FSTL5: variants seen among roughly 807,000 people sequenced by gnomAD.
The protein encoded by FSTL5 is follistatin like 5.
Under a neutral mutation model 89.1 loss-of-function variants are expected in FSTL5, and 62 were observed. The ratio of observed to expected loss-of-function variants is 0.70; its 90% confidence interval spans 0.57 to 0.86. The LOEUF is 0.86. FSTL5 is among the 40% of genes least tolerant of loss of function. The pLI is 0.00. For synonymous variants in FSTL5, 383 were observed against 346.2 expected, an observed-to-expected ratio of 1.11 and a Z score of -1.18; for missense variants, 1,057 against 1,001.6, an observed-to-expected ratio of 1.06 and a Z score of -0.75.
intron 5 of FSTL5, among the ~76,000 whole-genome samples, chr4:161,769,491 A>G (rs1741133733): frequency 6.6e-6 from 1 of 152,032 alleles, no homozygotes; most frequent in Non-Finnish European, 1.5e-5. Context: ...ATTCATCATG[A>G]TCAAGTGGGA....
intron 6 of FSTL5, among the ~76,000 whole-genome samples, chr4:161,684,383 A>C (rs1737633750): frequency 6.6e-6 from 1 of 152,166 alleles, no homozygotes; most frequent in Non-Finnish European, 1.5e-5. Context: ...ACTAATTTAC[A>C]TTCCCACCGG....
intron 15 of FSTL5, among the ~76,000 whole-genome samples, chr4:161,418,165 G>A (rs1171128988): frequency 6.6e-6 from 1 of 152,174 alleles, no homozygotes; most frequent in Admixed American, 6.5e-5. Flanking sequence ...CTAAGTGTGA[G>A]TGTGGGTGAA....
chr4:162,065,294 C>A (rs1738857351), intron 2 of FSTL5, among the ~76,000 whole-genome samples: 1 of 151,834 alleles, frequency 6.6e-6, no homozygotes, highest in South Asian at 2.1e-4. Flanking sequence ...TATGTACAAA[C>A]CATATATCTG....
At chr4:161,452,558 A>T (rs1248625749) in intron 15 of FSTL5, among the ~76,000 whole-genome samples, 1 of 152,160 alleles carries the variant, frequency 6.6e-6, no homozygotes. Flanking sequence ...ATGTGGAATA[A>T]ATCCTCATTA....
chr4:162,087,060 T>G (rs1730350428), intron 2 of FSTL5, among the ~76,000 whole-genome samples: 1 of 152,080 alleles, frequency 6.6e-6, no homozygotes, highest in Admixed American at 6.6e-5. Context: ...CATAAAGAAA[T>G]GCAAGCTTCT....
At chr4:161,681,735 A>T (rs1332179667) in intron 6 of FSTL5, among the ~76,000 whole-genome samples, 1 of 152,130 alleles carries the variant, frequency 6.6e-6, no homozygotes, top group Non-Finnish European at 1.5e-5. Flanking sequence ...TCTCACCTAA[A>T]TTTAATTTAA....
chr4:161,981,918 T>C (rs1353945757), intron 3 of FSTL5, among the ~76,000 whole-genome samples: 1 of 152,220 alleles, frequency 6.6e-6, no homozygotes, highest in Non-Finnish European at 1.5e-5. Flanking sequence ...TAAAAATAAC[T>C]TTAGTTACCT....
At chr4:161,768,510 G>A (rs1301205610) in intron 5 of FSTL5, among the ~76,000 whole-genome samples, 1 of 151,902 alleles carries the variant, frequency 6.6e-6, no homozygotes, top group African/African-American at 2.4e-5. Flanking sequence ...GGAAGGCAAG[G>A]CTCTTATATT....
chr4:161,807,720 CAA>C (rs1354322661), intron 4 of FSTL5, among the ~76,000 whole-genome samples: 2 of 152,124 alleles, frequency 1.3e-5, no homozygotes, highest in Admixed American at 6.6e-5. Flanking sequence ...GCCCATAAGC[CAA>C]AGTTTACAGA....
At chr4:161,730,710 G>T (rs1245557528) in intron 6 of FSTL5, among the ~76,000 whole-genome samples, 1 of 152,096 alleles carries the variant, frequency 6.6e-6, no homozygotes, top group Non-Finnish European at 1.5e-5. Context: ...TACCCAGAAT[G>T]CAGGGTCTAC....
chr4:161,803,793 A>G (rs1331619423), intron 4 of FSTL5, among the ~76,000 whole-genome samples: 1 of 152,036 alleles, frequency 6.6e-6, no homozygotes, highest in East Asian at 1.9e-4. Flanking sequence ...AGACAACTCA[A>G]CTGTATTATC....
intron 6 of FSTL5, among the ~76,000 whole-genome samples, chr4:161,680,116 AAT>A (rs1321970867): frequency 3.3e-5 from 5 of 151,912 alleles, no homozygotes; most frequent in Admixed American, 2.6e-4. Flanking sequence ...TTTATCTTTA[AAT>A]ATGTTTGTTT....
intron 2 of FSTL5, among the ~76,000 whole-genome samples, chr4:162,066,370 T>TCTTCTTCTTCTTCTC (rs1190278977): frequency 2.2e-5 from 3 of 137,738 alleles, no homozygotes; most frequent in Non-Finnish European, 4.7e-5. Context: ...TTCTTCTTCT[T>TCTTCTTCTTCTTCTC]CTCCTTCTTC....
chr4:162,133,383 C>CA (rs1284660846), intron 1 of FSTL5, among the ~76,000 whole-genome samples: 1 of 152,162 alleles, frequency 6.6e-6, no homozygotes, highest in Non-Finnish European at 1.5e-5. Context: ...CCCTAAAACT[C>CA]AGCTCTTTTG....
intron 7 of FSTL5, among the ~76,000 whole-genome samples, chr4:161,628,266 T>A (rs1164028181): frequency 1.3e-5 from 2 of 152,158 alleles, no homozygotes; most frequent in Non-Finnish European, 2.9e-5. Context: ...ACAGACTTAA[T>A]TGAAAAATCT....
intron 1 of FSTL5, among the ~76,000 whole-genome samples, chr4:162,129,628 A>G (rs80122168): frequency 0.23 from 35,367 of 152,136 alleles, 4,314 homozygotes; most frequent in Non-Finnish European, 0.25. Context: ...AATATATCAT[A>G]GCAGTATTAA....
At chr4:161,808,621 CAGACCAAAAAAA>C (rs1424239518) in intron 4 of FSTL5, among the ~76,000 whole-genome samples, 1 of 73,446 alleles carries the variant, frequency 1.4e-5, no homozygotes, top group East Asian at 4.4e-4. Flanking sequence ...ACACCAAAAA[CAGACCAAAAAAA>C]AAACCCAGAT....
At chr4:161,555,328 C>G (rs1052988491) in intron 8 of FSTL5, among the ~76,000 whole-genome samples, 17 of 151,382 alleles carry the variant, frequency 1.1e-4, no homozygotes, top group African/African-American at 4.1e-4. Flanking sequence ...TTAAGAAATG[C>G]TCTCTGAAAC....
At position 162,020,981 on chromosome 4, in the gene FSTL5, C is replaced by A. The variant is rs1027598936; in HGVS notation, c.160+12644G>T. Among the ~76,000 whole-genome samples, 5 of 152,066 alleles carry A rather than the reference C, an allele frequency of 3.3e-5. No homozygotes were observed. In the South Asian group the frequency reaches 6.2e-4, roughly 19 times the overall value. Reference sequence around the variant, plus strand: ...TAAAAGTGAGTAAAATTAATCTTTTCTTTAAATCAAATAGCAATTTTATTG... The same window carrying A: ...TAAAAGTGAGTAAAATTAATCTTTTATTTAAATCAAATAGCAATTTTATTG... On this transcript the variant is annotated intron_variant, in intron 3 of 15. Transcript: ENST00000306100.
Sources: allele counts gnomAD v4.1 joint callset (sites outside exome capture counted in the v4.1 genomes callset), GRCh38; gene constraint gnomAD v4.1.1; transcripts MANE v1.5; gene names NCBI Gene and HGNC (gene_info 2026-07-23, HGNC 2026-07-21).